Variants in MLLT10 observed in about 807,000 individuals in gnomAD.
MLLT10 encodes protein AF-10.
MLLT10 carries 30 observed loss-of-function variants against 129.1 expected under a neutral mutation model. That is an observed-to-expected ratio of 0.23 (90% CI 0.17 to 0.32). The LOEUF (loss-of-function observed/expected upper bound fraction) is 0.32, where lower values mean the gene tolerates loss of function less well. Among genes scored for constraint, MLLT10 ranks in the 10% least tolerant of loss-of-function variants. The pLI is 1.00. For synonymous variants in MLLT10, 490 were observed against 446.4 expected (o/e 1.10, Z -1.23); for missense variants, 1,119 against 1,268.3 (o/e 0.88, Z 1.79).
In MLLT10 at chr10:21,689,659, A is replaced by AT. The variant is rs1419540266; in HGVS notation, c.1699+7403dup. Among the ~76,000 whole-genome samples the AT allele has an allele frequency of 4.2e-3, 602 of 141,814 alleles. 10 individuals carry two copies. Among genetic ancestry groups the AT allele is most frequent in the African/African-American group, 0.015 (559 of 38,066 alleles). The allele number at this position is 141,814 out of a possible 152,430, so 93.0% of individuals were successfully genotyped here. ...CACACATTTATATATATATATATATATATTTTTTTTTTCTTGGCATGTTTT... is the reference window on the plus strand; with the variant it reads ...CACACATTTATATATATATATATATATTATTTTTTTTTTCTTGGCATGTTTT... On this transcript the variant is annotated intron_variant, in intron 13 of 22. Transcript: ENST00000307729.
chr10:21,663,154 G>T (rs2050383432), intron 9 of MLLT10, among the ~76,000 whole-genome samples: 1 of 152,144 alleles, frequency 6.6e-6, no homozygotes. Flanking sequence ...CACTCTGTGG[G>T]CCTGCTAGAG....
chr10:21,735,252 G>GATA lies in MLLT10; in HGVS notation c.2955+21_2955+23dup, dbSNP rs774874459. Reference sequence around the variant, plus strand: ...CTCACACCAGTAAGTTCTTTCTTTTGATAATATCTTATTAGGAGCATGTGT... The same window carrying GATA: ...CTCACACCAGTAAGTTCTTTCTTTTGATAATAATATCTTATTAGGAGCATGTGT... On this transcript the variant is annotated intron_variant, in intron 21 of 22. Coordinates refer to ENST00000307729, the MANE Select transcript of MLLT10 (RefSeq NM_001195626.3). 16 of 1,560,330 alleles carry GATA rather than the reference G, an allele frequency of 1.0e-5. 1 individual carries two copies. In the South Asian group the frequency reaches 1.8e-4, roughly 17 times the overall value.
At position 21,742,817 on chromosome 10, in the gene MLLT10, G is replaced by C. The variant is rs1414586845; in HGVS notation, c.*834G>C. ...GTGCTGCAAGGGCTGTAGACAGCAG[G>C]GTGGGACAGTCAGTCCTCCGAGCAG... On this transcript the variant is annotated 3_prime_UTR_variant, in exon 23 of 23. Transcript: ENST00000307729. 4.4e-6 allele frequency: 1 copy of C among 227,790 alleles called. No homozygotes were observed. Among genetic ancestry groups the C allele is most frequent in the Non-Finnish European group, 8.7e-6 (1 of 114,738 alleles). 14.1% of individuals were successfully genotyped at this position (227,790 alleles called of 1,614,324 possible). A position where few individuals can be genotyped will look rare whatever the true frequency, so the allele number is the denominator to read the frequency against.
At chr10:21,554,924 C>G (rs2037679110) in intron 3 of MLLT10, among the ~76,000 whole-genome samples, 1 of 151,644 alleles carries the variant, frequency 6.6e-6, no homozygotes. Context: ...CGGGTTCAAG[C>G]AATTCTCAGG....
At position 21,625,406 on chromosome 10, in the gene MLLT10, TCTGTG is replaced by T. The variant is rs1330213885; in HGVS notation, c.699+8201_699+8205del. On this transcript the variant is annotated intron_variant, in intron 8 of 22. Transcript: ENST00000307729. ...AGAAAATGACTTTTCCAATATTTCG[TCTGTG>T]CCCAAGTTTCTCACAAAGAATACTT... is the stretch of plus-strand genomic sequence containing the variant. The T allele has an allele frequency of 3.2e-5, 26 of 819,440 alleles. No individual in the cohort carries two copies. In the South Asian group the frequency reaches 3.7e-4, roughly 12 times the overall value. 50.8% of individuals were successfully genotyped at this position (819,440 alleles called of 1,614,324 possible).
intron 15 of MLLT10, among the ~76,000 whole-genome samples, chr10:21,726,681 C>CTTTTTTTTTTTTTTT (rs35036202): frequency 1.9e-4 from 17 of 87,604 alleles, no homozygotes; most frequent in African/African-American, 4.8e-4. Context: ...TAGCAATGTC[C>CTTTTTTTTTTTTTTT]TTTTTTTTTT....
intron 12 of MLLT10, 29 bp downstream of exon 12, chr10:21,681,405 G>T: frequency 5.9e-6 from 9 of 1,530,658 alleles, no homozygotes; most frequent in Non-Finnish European, 6.3e-6. Context: ...TTGATAACCC[G>T]GGCCTTTTGT....
intron 13 of MLLT10, among the ~76,000 whole-genome samples, chr10:21,701,066 A>G (rs1011150076): frequency 1.3e-5 from 2 of 151,890 alleles, no homozygotes; most frequent in African/African-American, 2.4e-5. Flanking sequence ...GGTAGGTTGT[A>G]TGTTTTTTGG....
intron 8 of MLLT10, among the ~76,000 whole-genome samples, chr10:21,649,188 G>T (rs138214058): frequency 6.6e-6 from 1 of 152,062 alleles, no homozygotes; most frequent in African/African-American, 2.4e-5. Flanking sequence ...CAATCCTCCC[G>T]CCTTGGCCCT....
intron 14 of MLLT10, among the ~76,000 whole-genome samples, chr10:21,715,361 T>C (rs1448396266): frequency 6.6e-6 from 1 of 152,176 alleles, no homozygotes; most frequent in Non-Finnish European, 1.5e-5. Context: ...ACCTCCCAAC[T>C]TGATATAGAG....
At chr10:21,643,651 T>A (rs930061511) in intron 8 of MLLT10, among the ~76,000 whole-genome samples, 3 of 152,222 alleles carry the variant, frequency 2.0e-5, no homozygotes, top group African/African-American at 7.2e-5. Flanking sequence ...ACTTTATTTC[T>A]TCTAAAAACT....
At chr10:21,680,441 A>G (rs543489612) in intron 11 of MLLT10, among the ~76,000 whole-genome samples, 3 of 152,060 alleles carry the variant, frequency 2.0e-5, no homozygotes, top group African/African-American at 7.2e-5. Context: ...CCTGACCTCA[A>G]GTGCCCGCCT....
chr10:21,576,733 C>T (rs1270730659), intron 3 of MLLT10, among the ~76,000 whole-genome samples: 1 of 151,702 alleles, frequency 6.6e-6, no homozygotes, highest in Non-Finnish European at 1.5e-5. Context: ...CGGGTTCAAG[C>T]GATTCTCCTG....
At chr10:21,705,231 A>G (rs1429687728) in intron 13 of MLLT10, among the ~76,000 whole-genome samples, 1 of 152,140 alleles carries the variant, frequency 6.6e-6, no homozygotes, top group Non-Finnish European at 1.5e-5. Flanking sequence ...CTCCAGACCT[A>G]CAGATGGTAC....
At chr10:21,572,170 C>A (rs1347007067) in intron 3 of MLLT10, 1 of 152,164 alleles carries the variant, frequency 6.6e-6, no homozygotes, top group African/African-American at 2.4e-5. Flanking sequence ...AAAACAGTCT[C>A]TTTTTCTCAC....
intron 3 of MLLT10, among the ~76,000 whole-genome samples, chr10:21,552,117 G>A (rs1326650692): frequency 3.3e-5 from 5 of 151,956 alleles, no homozygotes; most frequent in African/African-American, 1.2e-4. Flanking sequence ...TGTACGGATG[G>A]GGTCTCACTA....
chr10:21,698,962 C>T (rs1191556398), intron 13 of MLLT10, among the ~76,000 whole-genome samples: 1 of 152,210 alleles, frequency 6.6e-6, no homozygotes, highest in Non-Finnish European at 1.5e-5. Context: ...GCAACCTCTG[C>T]TTCCCAGGTT....
chr10:21,673,872 A>G lies in MLLT10; in HGVS notation c.1574A>G (p.Asn525Ser). Residue 525 changes from asparagine to serine, a missense_variant, in exon 11 of 23, where the codon AAT becomes AGT. Physicochemically the swap from Asn to Ser is conservative, Grantham distance 46 (BLOSUM62 1). This residue lies in a region of MLLT10 where 1,004 missense variants were observed against 1,008.7 expected (regional missense o/e 1.00). Transcript: ENST00000307729. The part of the protein sequence containing the change: ...SLQKSPTLLR[N>S]GSLQSLSVGS... ...CAGAAATCTCCTACATTGCTCAGGA[A>G]TGGAAGTTTACAGAGCCTCAGTGTT... The G allele has an allele frequency of 6.2e-7, 1 of 1,612,842 alleles. No individual in the cohort carries two copies. Among genetic ancestry groups the G allele is most frequent in the Non-Finnish European group, 8.5e-7 (1 of 1,179,444 alleles).
At chr10:21,672,203 G>C (rs919096993) in intron 10 of MLLT10, among the ~76,000 whole-genome samples, 3 of 150,840 alleles carry the variant, frequency 2.0e-5, no homozygotes, top group Non-Finnish European at 4.4e-5. Flanking sequence ...GTGTGTGTGT[G>C]TGTGTGTATT....
Sources: gnomAD v4.1 joint callset for allele counts (sites outside exome capture counted in the v4.1 genomes callset) on GRCh38, gnomAD v4.1.1 for gene constraint, gnomAD v4.1.1 regional missense constraint, MANE v1.5 for transcripts, NCBI Gene and HGNC (gene_info 2026-07-23, HGNC 2026-07-21) for gene names.